The following GADL1 variants were observed in gnomAD, a reference collection of about 807,000 sequenced individuals.
The protein encoded by GADL1 is acidic amino acid decarboxylase GADL1.
In GADL1, 71 loss-of-function variants were observed where a neutral mutation model predicts 69.5. The observed-to-expected ratio is 1.02, with a 90% CI of 0.84 to 1.25. GADL1 has a LOEUF of 1.25. GADL1 is among the 50% of genes most tolerant of loss of function. GADL1 has a pLI of 0.00. For missense variants in GADL1, 737 were observed against 631.8 expected (o/e 1.17, Z -1.79); for synonymous variants, 254 against 214.4 (o/e 1.18, Z -1.62).
intron 2 of GADL1, among the ~76,000 whole-genome samples, chr3:30,857,694 G>A (rs1698252142): frequency 6.6e-6 from 1 of 151,842 alleles, no homozygotes; most frequent in Non-Finnish European, 1.5e-5. Flanking sequence ...ACATCTGATG[G>A]CTCCCTGTTT....
At chr3:30,751,820 CTT>C (rs568111007) in intron 14 of GADL1, among the ~76,000 whole-genome samples, 1 of 152,154 alleles carries the variant, frequency 6.6e-6, no homozygotes, top group African/African-American at 2.4e-5. Flanking sequence ...CCTTGGAAAG[CTT>C]TTTTTGTCTC....
At chr3:30,783,527 A>T (rs1056761307) in intron 13 of GADL1, among the ~76,000 whole-genome samples, 1 of 152,094 alleles carries the variant, frequency 6.6e-6, no homozygotes, top group Non-Finnish European at 1.5e-5. Flanking sequence ...ACAGTGACAC[A>T]TACTCTCTCA....
At position 30,778,098 on chromosome 3, in the gene GADL1, C is replaced by G. The variant is rs759742807; in HGVS notation, c.1392+81G>C. 2.1e-4 allele frequency: 169 copies of G among 801,538 alleles called. 1 individual carries two copies. The highest frequency in any genetic ancestry group is 1.1e-3 in the South Asian group (72 of 66,730). 49.7% of individuals were successfully genotyped at this position (801,538 alleles called of 1,614,324 possible). ...CTAGATAATTCTGTGCTTGCTAGGC[C>G]CTCTTATTTATAGGATCAACAGATA... On this transcript the variant is annotated intron_variant, in intron 14 of 14. Coordinates refer to ENST00000282538, the MANE Select transcript of GADL1 (RefSeq NM_207359.3).
chr3:30,803,283 C>T (rs1459818874), intron 11 of GADL1, among the ~76,000 whole-genome samples: 1 of 152,056 alleles, frequency 6.6e-6, no homozygotes, highest in African/African-American at 2.4e-5. Context: ...ATCTCCCTGC[C>T]CTCAAAAGTC....
At chr3:30,794,519 G>A (rs1696989489) in intron 12 of GADL1, among the ~76,000 whole-genome samples, 1 of 152,142 alleles carries the variant, frequency 6.6e-6, no homozygotes, top group South Asian at 2.1e-4. Context: ...AGCCCCCTGG[G>A]TTTCAATTAT....
rs141406864 is a variant in GADL1 at position 30,801,449 on chromosome 3, T to A, written c.1051-361A>T. ...TCTCCATTGGCCAGAAAAAAAAAACTGACATATTTACATATGTTATACAAT... is the reference window on the plus strand; with the variant it reads ...TCTCCATTGGCCAGAAAAAAAAAACAGACATATTTACATATGTTATACAAT... On this transcript the variant is annotated intron_variant, in intron 11 of 14. Transcript: ENST00000282538. Among the ~76,000 whole-genome samples, 380 of 151,884 alleles carry A rather than the reference T, an allele frequency of 2.5e-3. 2 individuals carry two copies. The highest frequency in any genetic ancestry group is 8.9e-3 in the African/African-American group (370 of 41,430).
At chr3:30,773,825 G>C (rs544328277) in intron 14 of GADL1, among the ~76,000 whole-genome samples, 1 of 152,218 alleles carries the variant, frequency 6.6e-6, no homozygotes, top group Non-Finnish European at 1.5e-5. Flanking sequence ...TAAGATATTT[G>C]ATATGTTTTA....
chr3:30,879,087 C>A (rs1011016656), intron 1 of GADL1, among the ~76,000 whole-genome samples: 8 of 151,914 alleles, frequency 5.3e-5, no homozygotes, highest in South Asian at 2.1e-4. Context: ...GCAGTGTGTA[C>A]TGACTGGTAC....
Position 30,728,260 on chromosome 3 carries a change from T to G in GADL1, c.1548A>C (p.Leu516Phe). The G allele has an allele frequency of 6.2e-7, 1 of 1,613,752 alleles. No individual in the cohort carries two copies. Among genetic ancestry groups the G allele is most frequent in the East Asian group, 2.2e-5 (1 of 44,848 alleles). The change falls in exon 15 of 15, where the codon TTA becomes TTC. Residue 516 changes from leucine (L) to phenylalanine (F), a missense_variant. Physicochemically the swap from Leu to Phe is conservative, Grantham distance 22. Transcript: ENST00000282538. ...GCCACAGCTACATGTCTTTACCCAG[T>G]AAGTCTATCTCATCCAGGAGGAAGT... is the stretch of plus-strand genomic sequence containing the variant. ...DMDFLLDEIDLLGKDM is the reference protein window; with the variant it reads ...DMDFLLDEIDFLGKDM
chr3:30,865,596 G>A (rs1225511557), intron 1 of GADL1, among the ~76,000 whole-genome samples: 1 of 151,994 alleles, frequency 6.6e-6, no homozygotes, highest in Non-Finnish European at 1.5e-5. Context: ...ACCTTTGGCT[G>A]GGGATGCAAT....
At chr3:30,881,303 C>T (rs1249610201) in intron 1 of GADL1, among the ~76,000 whole-genome samples, 4 of 151,742 alleles carry the variant, frequency 2.6e-5, no homozygotes, top group Admixed American at 2.0e-4. Context: ...CAGAAGAATG[C>T]CAAAAATTAG....
intron 14 of GADL1, among the ~76,000 whole-genome samples, chr3:30,769,438 G>T (rs1696364994): frequency 6.6e-6 from 1 of 152,106 alleles, no homozygotes. Flanking sequence ...GGGAAGCTGA[G>T]GATGATTCCT....
intron 1 of GADL1, 27 bp from the exon 2 acceptor site, chr3:30,861,792 TGA>T: frequency 6.7e-7 from 1 of 1,496,254 alleles, no homozygotes; most frequent in Non-Finnish European, 9.1e-7. Flanking sequence ...AAATTGTGTT[TGA>T]GAGATAATCT....
chr3:30,751,325 A>G (rs1695809191), intron 14 of GADL1, among the ~76,000 whole-genome samples: 1 of 152,020 alleles, frequency 6.6e-6, no homozygotes, highest in South Asian at 2.1e-4. Context: ...CCATTGTGGT[A>G]AGGAGACTCT....
At chr3:30,883,519 A>T (rs924044778) in intron 1 of GADL1, among the ~76,000 whole-genome samples, 1 of 151,960 alleles carries the variant, frequency 6.6e-6, no homozygotes, top group Admixed American at 6.6e-5. Flanking sequence ...GTCTGTCTTT[A>T]TGCTAGTACC....
At chr3:30,753,493 TAAGG>T (rs559965727) in intron 14 of GADL1, among the ~76,000 whole-genome samples, 307 of 132,942 alleles carry the variant, frequency 2.3e-3, no homozygotes, top group African/African-American at 9.0e-3. Flanking sequence ...AAACCAAATT[TAAGG>T]AAGGATAGTT....
chr3:30,750,220 A>G (rs756254730), intron 14 of GADL1, among the ~76,000 whole-genome samples: 1 of 152,232 alleles, frequency 6.6e-6, no homozygotes, highest in Non-Finnish European at 1.5e-5. Flanking sequence ...TCAGAAGAGC[A>G]CATAACTGGA....
At chr3:30,773,458 TATAAA>T (rs1361539385) in intron 14 of GADL1, among the ~76,000 whole-genome samples, 2 of 152,152 alleles carry the variant, frequency 1.3e-5, no homozygotes, top group Non-Finnish European at 2.9e-5. Context: ...TGCAGAGAAA[TATAAA>T]AGAAATCGCC....
At chr3:30,779,062 T>C (rs1404167377) in intron 13 of GADL1, 1 of 152,238 alleles carries the variant, frequency 6.6e-6, no homozygotes, top group Non-Finnish European at 1.5e-5. Flanking sequence ...AGTCTGTTTT[T>C]CTATCAGACA....
Sources: gnomAD v4.1 joint callset for allele counts (sites outside exome capture counted in the v4.1 genomes callset) on GRCh38, gnomAD v4.1.1 for gene constraint, MANE v1.5 for transcripts, NCBI Gene and HGNC (gene_info 2026-07-23, HGNC 2026-07-21) for gene names.